The following AGTPBP1 variants were observed in gnomAD, a reference collection of about 807,000 sequenced individuals.
AGTPBP1 encodes the protein ATP/GTP binding carboxypeptidase 1.
AGTPBP1 carries 70 observed loss-of-function variants against 143.9 expected under a neutral mutation model. That is an observed-to-expected ratio of 0.49 (90% CI 0.40 to 0.59). AGTPBP1 has a LOEUF of 0.59. AGTPBP1 is among the 20% of genes least tolerant of loss of function. AGTPBP1 has a pLI of 0.00. For missense variants in AGTPBP1, 1,229 were observed against 1,464.5 expected (o/e 0.84, Z 2.62); for synonymous variants, 463 against 500.2 (o/e 0.93, Z 0.99).
chr9:85,562,502 A>G (rs574502474), intron 25 of AGTPBP1, among the ~76,000 whole-genome samples: 1 of 152,380 alleles, frequency 6.6e-6, no homozygotes, highest in Admixed American at 6.5e-5. Context: ...TCACACACTC[A>G]GAAGTTTCAA....
At chr9:85,674,160 G>A (rs1317903827) in intron 6 of AGTPBP1, among the ~76,000 whole-genome samples, 3 of 145,312 alleles carry the variant, frequency 2.1e-5, no homozygotes, top group Non-Finnish European at 3.0e-5. Flanking sequence ...AAAGTAAATA[G>A]GACCAGCAAA....
chr9:85,624,412 C>T (rs1272489136), intron 14 of AGTPBP1, among the ~76,000 whole-genome samples: 1 of 152,186 alleles, frequency 6.6e-6, no homozygotes, highest in East Asian at 1.9e-4. Context: ...GCACCTTCCT[C>T]ATAGAGGTGC....
Position 85,685,640 on chromosome 9 carries a change from G to A in AGTPBP1, c.158-4305C>T, listed in dbSNP as rs73478987. ...CTACTGGAAGTGACAAAATTCTGTAGGCTAAAGAGAAATGGCACCAGATCA... is the reference window on the plus strand; with the variant it reads ...CTACTGGAAGTGACAAAATTCTGTAAGCTAAAGAGAAATGGCACCAGATCA... On this transcript the variant is annotated intron_variant, in intron 3 of 25. Coordinates refer to ENST00000357081, the MANE Select transcript of AGTPBP1 (RefSeq NM_001330701.2). 9.7e-3 allele frequency among the ~76,000 whole-genome samples: 1,481 copies of A among 152,082 alleles called. 14 individuals carry two copies. Among genetic ancestry groups the A allele is most frequent in the African/African-American group, 0.034 (1,416 of 41,526 alleles).
intron 1 of AGTPBP1, among the ~76,000 whole-genome samples, chr9:85,724,621 T>C (rs1420667492): frequency 6.6e-6 from 1 of 152,200 alleles, no homozygotes; most frequent in East Asian, 1.9e-4. Context: ...GGGAAAACCA[T>C]ATCCGCATAA....
chr9:85,767,113 AT>A, the AGTPBP1 span, among the ~76,000 whole-genome samples: 1 of 151,394 alleles, frequency 6.6e-6, no homozygotes, highest in African/African-American at 2.4e-5. Flanking sequence ...AGGGAGGAAA[AT>A]ATAAGAACTA....
the AGTPBP1 span, among the ~76,000 whole-genome samples, chr9:85,789,209 A>T: frequency 6.6e-6 from 1 of 152,176 alleles, no homozygotes; most frequent in African/African-American, 2.4e-5. Flanking sequence ...GCAAACACAC[A>T]TATAAATAAC....
Position 85,639,002 on chromosome 9 carries a change from T to C in AGTPBP1, c.1302+3825A>G, listed in dbSNP as rs560730817. ...AATAGACAACTGTGACTAACGAATA[T>C]AGAATTCTTTTCAAACACATAAGAA... On this transcript the variant is annotated intron_variant, in intron 13 of 25. Transcript: ENST00000357081. Among the ~76,000 whole-genome samples the C allele has an allele frequency of 3.3e-5, 5 of 152,172 alleles. No homozygotes were observed. The South Asian group carries it at 6.2e-4, about 19-fold the overall frequency.
chr9:85,638,971 T>C (rs1005243146), intron 13 of AGTPBP1, among the ~76,000 whole-genome samples: 5 of 152,104 alleles, frequency 3.3e-5, no homozygotes, highest in African/African-American at 9.7e-5. Flanking sequence ...CTTGTCCTAA[T>C]AGGCAAATAG....
intron 1 of AGTPBP1, among the ~76,000 whole-genome samples, chr9:85,722,556 T>A (rs1312596457): frequency 1.3e-5 from 2 of 152,216 alleles, no homozygotes; most frequent in African/African-American, 4.8e-5. Context: ...CTGTTTATTA[T>A]AGTTAGCCAT....
intron 11 of AGTPBP1, among the ~76,000 whole-genome samples, chr9:85,652,866 C>G (rs371869130): frequency 6.6e-6 from 1 of 152,154 alleles, no homozygotes; most frequent in Non-Finnish European, 1.5e-5. Flanking sequence ...GGACTAAACC[C>G]TTAACCTGTG....
At chr9:85,569,484 C>T (rs146536715) in intron 25 of AGTPBP1, among the ~76,000 whole-genome samples, 116 of 152,170 alleles carry the variant, frequency 7.6e-4, no homozygotes, top group African/African-American at 2.7e-3. Context: ...GGGAAGCAGG[C>T]TTAAAAGCAG....
At chr9:85,760,634 CTAT>C in the AGTPBP1 span, among the ~76,000 whole-genome samples, 1 of 152,146 alleles carries the variant, frequency 6.6e-6, no homozygotes, top group South Asian at 2.1e-4. Flanking sequence ...ATAATAAGAG[CTAT>C]TTATGACAAA....
At chr9:85,675,213 AAC>A (rs1834751532) in intron 6 of AGTPBP1, among the ~76,000 whole-genome samples, 1 of 151,980 alleles carries the variant, frequency 6.6e-6, no homozygotes, top group African/African-American at 2.4e-5. Flanking sequence ...AAACTCTTAA[AAC>A]ACAATTCTAA....
At chr9:85,680,820 A>C (rs933083651) in intron 4 of AGTPBP1, among the ~76,000 whole-genome samples, 45 of 152,220 alleles carry the variant, frequency 3.0e-4, no homozygotes, top group African/African-American at 1.1e-3. Context: ...GTAGAAATTC[A>C]ATTATCATCA....
chr9:85,721,865 G>A (rs1195121962), intron 1 of AGTPBP1, among the ~76,000 whole-genome samples: 1 of 152,158 alleles, frequency 6.6e-6, no homozygotes, highest in Non-Finnish European at 1.5e-5. Context: ...AGGCAGGCCT[G>A]GTGGTGACAA....
At chr9:85,709,879 A>G (rs1837257592) in intron 2 of AGTPBP1, among the ~76,000 whole-genome samples, 1 of 152,150 alleles carries the variant, frequency 6.6e-6, no homozygotes, top group South Asian at 2.1e-4. Context: ...TGCTTCTTTG[A>G]TTTAAATTGC....
intron 11 of AGTPBP1, among the ~76,000 whole-genome samples, chr9:85,653,108 T>C (rs372928952): frequency 6.6e-6 from 1 of 151,188 alleles, no homozygotes; most frequent in Non-Finnish European, 1.5e-5. Context: ...GCCTGACATG[T>C]GAGAAAATAA....
At chr9:85,655,352 T>C (rs1833430770) in intron 10 of AGTPBP1, 32 bp from the exon 11 acceptor site, 2 of 1,466,088 alleles carry the variant, frequency 1.4e-6, no homozygotes, top group African/African-American at 1.4e-5. Flanking sequence ...AGAAAAAGAA[T>C]GTTTTTGATG....
intron 10 of AGTPBP1, among the ~76,000 whole-genome samples, chr9:85,655,989 G>A (rs914439703): frequency 7.2e-5 from 11 of 152,008 alleles, no homozygotes; most frequent in African/African-American, 1.9e-4. Flanking sequence ...CACCACGCCC[G>A]GCTAATTTTT....
Sources: allele counts gnomAD v4.1 joint callset (sites outside exome capture counted in the v4.1 genomes callset), GRCh38; gene constraint gnomAD v4.1.1; transcripts MANE v1.5; gene names NCBI Gene and HGNC (gene_info 2026-07-23, HGNC 2026-07-21).